EMID1: variants seen among roughly 807,000 people sequenced by gnomAD.
EMID1 encodes the protein EMI domain-containing protein 1.
A neutral mutation model predicts 60.6 loss-of-function variants in EMID1; 40 were observed. That is an observed-to-expected ratio of 0.66 (90% CI 0.51 to 0.86). The LOEUF (loss-of-function observed/expected upper bound fraction) is 0.86. EMID1 is among the 40% of genes least tolerant of loss of function. EMID1 has a pLI of 0.00. For synonymous variants in EMID1, 242 were observed against 231.0 expected (o/e 1.05, Z -0.43); for missense variants, 585 against 597.1 (o/e 0.98, Z 0.21).
intron 5 of EMID1, among the ~76,000 whole-genome samples, chr22:29,229,988 G>A (rs2040669142): frequency 6.6e-6 from 1 of 152,194 alleles, no homozygotes; most frequent in Non-Finnish European, 1.5e-5. Flanking sequence ...TGGACTTTGT[G>A]TACACCTCCA....
intron 13 of EMID1, among the ~76,000 whole-genome samples, chr22:29,243,748 C>T (rs1365743894): frequency 6.6e-6 from 1 of 152,236 alleles, no homozygotes; most frequent in Non-Finnish European, 1.5e-5. Context: ...TCCACCTTCC[C>T]TCTGTGGCCT....
chr22:29,216,952 G>A (rs2040110787), intron 3 of EMID1, among the ~76,000 whole-genome samples: 4 of 152,248 alleles, frequency 2.6e-5, no homozygotes, highest in Admixed American at 2.6e-4. Context: ...GACGTTTGAA[G>A]GGGAGCCAGG....
At chr22:29,223,098 AAAG>A (rs1478232446) in intron 3 of EMID1, among the ~76,000 whole-genome samples, 3 of 152,196 alleles carry the variant, frequency 2.0e-5, no homozygotes, top group African/African-American at 4.8e-5. Flanking sequence ...CTCAAAAAAA[AAAG>A]AAGTTTTATA....
Position 29,232,292 on chromosome 22 carries a change from G to A in EMID1, c.713G>A (p.Gly238Glu). 1.2e-6 allele frequency: 2 copies of A among 1,611,432 alleles called. No homozygotes were observed. Among genetic ancestry groups the A allele is most frequent in the Non-Finnish European group, 1.7e-6 (2 of 1,179,762 alleles). Residue 238 changes from glycine (G) to glutamate (E), a missense_variant, in exon 8 of 15, where the codon GGA becomes GAA. Coordinates refer to ENST00000334018, the MANE Select transcript of EMID1 (RefSeq NM_133455.4). ...CCCCCAGGGAGCCCTGGCCGGGCTG[G>A]AGCTGTGGGCACCCCTGGAGAGAGG... ...QGPPGSPGRA[G>E]AVGTPGERGP... is the part of the protein sequence containing the mutation.
At chr22:29,216,378 A>T (rs2040083048) in intron 3 of EMID1, 1 of 985,314 alleles carries the variant, frequency 1.0e-6, no homozygotes, top group South Asian at 4.7e-5. Flanking sequence ...TGCCTGGCTG[A>T]ACCCATGAGC....
intron 1 of EMID1, among the ~76,000 whole-genome samples, chr22:29,210,938 T>C (rs2039858827): frequency 6.6e-6 from 1 of 151,706 alleles, no homozygotes. Flanking sequence ...TGCCTTCACC[T>C]GTTTGTGTAC....
At chr22:29,244,820 C>T (rs1235311034) in intron 13 of EMID1, among the ~76,000 whole-genome samples, 2 of 152,112 alleles carry the variant, frequency 1.3e-5, no homozygotes, top group Non-Finnish European at 2.9e-5. Context: ...TGGAAACCAT[C>T]ACTGACAGGG....
intron 1 of EMID1, among the ~76,000 whole-genome samples, chr22:29,209,440 G>T (rs1330977706): frequency 6.6e-6 from 1 of 152,164 alleles, no homozygotes; most frequent in African/African-American, 2.4e-5. Flanking sequence ...CCACACCCCA[G>T]GGAAGGAAGC....
intron 10 of EMID1, 96 bp downstream of exon 10, chr22:29,233,762 A>G: frequency 2.5e-6 from 3 of 1,177,044 alleles, no homozygotes; most frequent in Admixed American, 2.2e-5. Context: ...CCTTGTATCC[A>G]TCTATCCATC....
chr22:29,224,469 G>C (rs113821302), intron 3 of EMID1, among the ~76,000 whole-genome samples: 1,560 of 152,266 alleles, frequency 0.01, 24 homozygotes, highest in African/African-American at 0.036. Flanking sequence ...GGGTGAGGGG[G>C]GTTCTCCTCC....
intron 4 of EMID1, 131 bp from the exon 5 acceptor site, chr22:29,226,359 C>G: frequency 1.0e-6 from 1 of 1,000,566 alleles, no homozygotes; most frequent in Non-Finnish European, 1.5e-6. Context: ...CTTCCCAAGC[C>G]TAAGGTCCCT....
chr22:29,255,210 T>A, intron 14 of EMID1: 1 of 180,686 alleles, frequency 5.5e-6, no homozygotes, highest in Non-Finnish European at 1.2e-5. Context: ...CCCGCTTGGC[T>A]CCCCAGCCCA....
intron 13 of EMID1, among the ~76,000 whole-genome samples, chr22:29,248,472 G>C (rs1443933150): frequency 6.6e-6 from 1 of 152,038 alleles, no homozygotes; most frequent in Non-Finnish European, 1.5e-5. Context: ...ACCTCCTGAA[G>C]AACCTGCCTG....
chr22:29,242,644 G>A (rs2041192807), intron 12 of EMID1, among the ~76,000 whole-genome samples: 1 of 152,214 alleles, frequency 6.6e-6, no homozygotes, highest in South Asian at 2.1e-4. Context: ...ATCTCCTGAA[G>A]AGTATTGAGT....
chr22:29,221,332 A>G (rs1417221209), intron 3 of EMID1, among the ~76,000 whole-genome samples: 1 of 152,100 alleles, frequency 6.6e-6, no homozygotes, highest in African/African-American at 2.4e-5. Flanking sequence ...CCTTTGACCA[A>G]ACACCAATGG....
In EMID1 at chr22:29,239,291, TA is replaced by T. The variant is rs1291867050; in HGVS notation, c.1075-4146del. On this transcript the variant is annotated intron_variant, in intron 12 of 14. Coordinates refer to ENST00000334018, the MANE Select transcript of EMID1 (RefSeq NM_133455.4). ...TTCTTAGAATATCTTTTTTTTCTTT[TA>T]AAAAAAATTTTTTTTTAATGTAGAG... 7.0e-4 allele frequency among the ~76,000 whole-genome samples: 85 copies of T among 120,892 alleles called. 9 individuals carry two copies. Among genetic ancestry groups the T allele is most frequent in the Admixed American group, 1.8e-3 (21 of 11,596 alleles). The allele number at this position is 120,892 out of a possible 152,430, so 79.3% of individuals were successfully genotyped here. A position where few individuals can be genotyped will look rare whatever the true frequency, so the allele number is the denominator to read the frequency against.
At chr22:29,253,112 A>C (rs961532031) in intron 13 of EMID1, among the ~76,000 whole-genome samples, 17 of 152,216 alleles carry the variant, frequency 1.1e-4, no homozygotes, top group African/African-American at 4.1e-4. Flanking sequence ...CTTACTTCCA[A>C]ATAAACCCAT....
chr22:29,211,066 C>A (rs529144541), intron 1 of EMID1, among the ~76,000 whole-genome samples: 13 of 152,262 alleles, frequency 8.5e-5, no homozygotes, highest in African/African-American at 3.1e-4. Context: ...AGCCTATATG[C>A]GTCCATGCGA....
intron 1 of EMID1, among the ~76,000 whole-genome samples, chr22:29,211,011 A>C (rs965520474): frequency 4.6e-5 from 7 of 152,118 alleles, no homozygotes; most frequent in African/African-American, 1.4e-4. Context: ...CATGAATGAG[A>C]GCACTGTGGG....
Sources: allele counts gnomAD v4.1 joint callset (sites outside exome capture counted in the v4.1 genomes callset), GRCh38; gene constraint gnomAD v4.1.1; transcripts MANE v1.5; gene names NCBI Gene and HGNC (gene_info 2026-07-23, HGNC 2026-07-21).